Variants in SNX29 observed in about 807,000 individuals in gnomAD.
SNX29 encodes the protein sorting nexin 29, also known as sorting nexin-29.
A neutral mutation model predicts 102.1 loss-of-function variants in SNX29; 78 were observed. The ratio of observed to expected loss-of-function variants is 0.76; its 90% CI spans 0.64 to 0.92. The LOEUF (loss-of-function observed/expected upper bound fraction) is 0.92, where lower values mean the gene tolerates loss of function less well. SNX29 is among the 40% of genes least tolerant of loss of function. SNX29 has a pLI of 0.00. For synonymous variants in SNX29, 580 were observed against 414.5 expected, an observed-to-expected ratio of 1.40 and a Z score of -4.85; for missense variants, 1,280 against 1,061.7, an observed-to-expected ratio of 1.21 and a Z score of -2.86.
chr16:12,293,675 A>G (rs1277453477), intron 15 of SNX29, among the ~76,000 whole-genome samples: 4 of 152,252 alleles, frequency 2.6e-5, no homozygotes, highest in Non-Finnish European at 4.4e-5. Flanking sequence ...GGTAGAAAGA[A>G]CATATTGAAC....
rs375630268 is a variant in SNX29, at chr16:12,482,529, T to TG, written c.2178+4673dup. Among the ~76,000 whole-genome samples the TG allele has an allele frequency of 1.6e-3, 244 of 152,294 alleles. 2 individuals carry two copies. Among genetic ancestry groups the TG allele is most frequent in the African/African-American group, 5.7e-3 (235 of 41,574 alleles). On this transcript the variant is annotated intron_variant, in intron 19 of 20. Transcript: ENST00000566228. ...GTTCGCCAGGCTGGTCTCAAACTCC[T>TG]GGGCTCAAGAACTACTCCCACCTCA... is the stretch of plus-strand genomic sequence containing the variant.
chr16:12,342,693 A>G (rs1567457702), intron 15 of SNX29, among the ~76,000 whole-genome samples: 1 of 152,202 alleles, frequency 6.6e-6, no homozygotes, highest in African/African-American at 2.4e-5. Flanking sequence ...ACCATTTTTC[A>G]GATGCAGAAA....
intron 20 of SNX29, among the ~76,000 whole-genome samples, chr16:12,531,125 T>C (rs2076921117): frequency 6.6e-6 from 1 of 152,228 alleles, no homozygotes; most frequent in African/African-American, 2.4e-5. Flanking sequence ...CACCCTCTCA[T>C]ACCAATTTGA....
chr16:12,194,588 T>C (rs1035513342), intron 13 of SNX29, among the ~76,000 whole-genome samples: 1 of 151,716 alleles, frequency 6.6e-6, no homozygotes, highest in Non-Finnish European at 1.5e-5. Context: ...TTAATCATTA[T>C]GTGTGATGTT....
chr16:12,355,843 T>TAAA lies in SNX29; in HGVS notation c.1783-289_1783-287dup, dbSNP rs56358290. Among the ~76,000 whole-genome samples the TAAA allele has an allele frequency of 7.2e-3, 616 of 85,400 alleles. 5 individuals are homozygous for TAAA. Among genetic ancestry groups the TAAA allele is most frequent in the Non-Finnish European group, 8.9e-3 (441 of 49,396 alleles). The allele number at this position is 85,400 out of a possible 152,430, so 56.0% of individuals were successfully genotyped here. A position where few individuals can be genotyped will look rare whatever the true frequency, so the allele number is the denominator to read the frequency against. On this transcript the variant is annotated intron_variant, in intron 15 of 20. Transcript: ENST00000566228. ...TGACCTTGACAGAGCGAGATCTTAT[T>TAAA]AAAAAAAAAAAAAAAAAAAAAAAAA...
Position 12,356,184 on chromosome 16 carries a change from C to T in SNX29, c.1804C>T (p.Leu602=), listed in dbSNP as rs776174011. The T allele has an allele frequency of 6.2e-7, 1 of 1,612,958 alleles. No homozygotes were observed. The highest frequency in any genetic ancestry group is 1.7e-5 in the Admixed American group (1 of 59,962). ...CCAGGTGGCAGAGATGCATGGCGAGCTGATTGAGTTCAACGAGCGCCTGCA... is the reference window on the plus strand; with the variant it reads ...CCAGGTGGCAGAGATGCATGGCGAGTTGATTGAGTTCAACGAGCGCCTGCA... The part of the protein sequence containing the change: ...LIEVAEMHGE[L]IEFNERLHRA... Residue 602 remains leucine, a synonymous_variant, in exon 16 of 21, where the codon CTG becomes TTG. Transcript: ENST00000566228.
intron 20 of SNX29, among the ~76,000 whole-genome samples, chr16:12,561,763 A>T (rs952110436): frequency 1.3e-5 from 2 of 152,162 alleles, no homozygotes; most frequent in East Asian, 1.9e-4. Flanking sequence ...TGAAATGAAC[A>T]CCAAAGCACA....
intron 3 of SNX29, among the ~76,000 whole-genome samples, chr16:12,025,800 C>A (rs1345543865): frequency 6.6e-6 from 1 of 152,144 alleles, no homozygotes; most frequent in Non-Finnish European, 1.5e-5. Flanking sequence ...GGACTTTTAT[C>A]TTAGAATAAA....
intron 15 of SNX29, among the ~76,000 whole-genome samples, chr16:12,292,355 T>G (rs1360619688): frequency 6.6e-6 from 1 of 152,216 alleles, no homozygotes; most frequent in Non-Finnish European, 1.5e-5. Context: ...TGTTTCTTTT[T>G]CTGAAAGTGG....
intron 13 of SNX29, among the ~76,000 whole-genome samples, chr16:12,185,817 G>A (rs1036987663): frequency 1.3e-5 from 2 of 152,328 alleles, no homozygotes; most frequent in Admixed American, 6.5e-5. Context: ...GCAGTCCCCA[G>A]ATGCTATGCC....
intron 11 of SNX29, among the ~76,000 whole-genome samples, chr16:12,117,979 C>A (rs772937967): frequency 1.3e-5 from 2 of 152,048 alleles, no homozygotes; most frequent in African/African-American, 4.8e-5. Flanking sequence ...TGCCTGTAGT[C>A]CTAGCTCCTT....
At chr16:12,337,787 C>T (rs1292524883) in intron 15 of SNX29, among the ~76,000 whole-genome samples, 1 of 152,158 alleles carries the variant, frequency 6.6e-6, no homozygotes, top group Non-Finnish European at 1.5e-5. Context: ...TGGAGAAACC[C>T]TGAGATTTTG....
At chr16:12,555,943 C>T (rs184908499) in intron 20 of SNX29, among the ~76,000 whole-genome samples, 2 of 152,168 alleles carry the variant, frequency 1.3e-5, no homozygotes, top group East Asian at 3.9e-4. Flanking sequence ...CTGTTTACAT[C>T]ACACCAACTT....
chr16:12,092,775 T>A (rs2052610870), intron 11 of SNX29, among the ~76,000 whole-genome samples: 1 of 152,242 alleles, frequency 6.6e-6, no homozygotes, highest in Non-Finnish European at 1.5e-5. Context: ...TTCTCATGAC[T>A]TGCCTGACCT....
At chr16:12,476,385 TATATATATATATATATATATATATATAC>T (rs1334191758) in intron 18 of SNX29, among the ~76,000 whole-genome samples, 33 of 7,970 alleles carry the variant, frequency 4.1e-3, no homozygotes, top group African/African-American at 0.012. Flanking sequence ...AAAAAAAAAA[TATATATATATATATATATATATATATAC>T]ATATATATAT....
At chr16:12,222,393 A>C (rs1310460017) in intron 14 of SNX29, among the ~76,000 whole-genome samples, 1 of 152,164 alleles carries the variant, frequency 6.6e-6, no homozygotes, top group Non-Finnish European at 1.5e-5. Flanking sequence ...TCCACAGTGG[A>C]CATGCATTGT....
At chr16:12,049,588 C>T (rs1267629718) in intron 7 of SNX29, among the ~76,000 whole-genome samples, 2 of 152,064 alleles carry the variant, frequency 1.3e-5, no homozygotes, top group Non-Finnish European at 2.9e-5. Context: ...CCGCCCTGGC[C>T]TCTCAAAGTG....
At chr16:12,023,148 T>C (rs2057080525) in intron 3 of SNX29, among the ~76,000 whole-genome samples, 1 of 152,062 alleles carries the variant, frequency 6.6e-6, no homozygotes, top group Non-Finnish European at 1.5e-5. Flanking sequence ...CTACCTGCCT[T>C]GGCCTCCCAA....
chr16:12,355,857 A>T (rs1402072092), intron 15 of SNX29, among the ~76,000 whole-genome samples: 3 of 148,584 alleles, frequency 2.0e-5, no homozygotes, highest in Non-Finnish European at 3.0e-5. Flanking sequence ...AAAAAAAAAA[A>T]AAAAAAAAAA....
Sources: gnomAD v4.1 joint callset for allele counts (sites outside exome capture counted in the v4.1 genomes callset) on GRCh38, gnomAD v4.1.1 for gene constraint, MANE v1.5 for transcripts, NCBI Gene and HGNC (gene_info 2026-07-23, HGNC 2026-07-21) for gene names.